Variants in PXK observed in about 807,000 individuals in gnomAD.
PXK encodes PX domain-containing protein kinase-like protein.
PXK carries 35 observed loss-of-function variants against 84.7 expected under a neutral mutation model. The observed-to-expected ratio is 0.41, with a 90% CI of 0.32 to 0.55. PXK has a LOEUF of 0.55. PXK is among the 20% of genes least tolerant of loss of function. The pLI is 0.21. For missense variants in PXK, 634 were observed against 699.7 expected (o/e 0.91, Z 1.06); for synonymous variants, 253 against 260.8 (o/e 0.97, Z 0.29).
At chr3:58,380,683 T>TG (rs2098490311) in intron 3 of PXK, among the ~76,000 whole-genome samples, 1 of 152,032 alleles carries the variant, frequency 6.6e-6, no homozygotes, top group Admixed American at 6.6e-5. Context: ...CAGTGGCACA[T>TG]GCCTGTAATC....
intron 17 of PXK, chr3:58,423,451 T>G: frequency 6.5e-7 from 1 of 1,529,016 alleles, no homozygotes; most frequent in Middle Eastern, 1.7e-4. Context: ...GTGTGATTCT[T>G]TAATTTCAGC....
At chr3:58,376,140 C>T (rs1336044807) in intron 3 of PXK, among the ~76,000 whole-genome samples, 1 of 152,124 alleles carries the variant, frequency 6.6e-6, no homozygotes, top group Non-Finnish European at 1.5e-5. Flanking sequence ...CCTGGCCGGG[C>T]GTGGTGGCTC....
In PXK at chr3:58,377,754, T is replaced by C. The variant is rs142854245; in HGVS notation, c.202-4760T>C. ...ATTGTTTATATACACAAACACACTC[T>C]GAAGGACAAACAGAACAGGAGAAGA... is the stretch of plus-strand genomic sequence containing the variant. On this transcript the variant is annotated intron_variant, in intron 3 of 17. Coordinates refer to ENST00000356151, the MANE Select transcript of PXK (RefSeq NM_017771.5). 4.9e-4 allele frequency among the ~76,000 whole-genome samples: 74 copies of C among 152,300 alleles called. 1 individual carries two copies. Among genetic ancestry groups the C allele is most frequent in the African/African-American group, 1.8e-3 (73 of 41,570 alleles).
Position 58,365,728 on chromosome 3 carries a change from G to T in PXK, c.103-146G>T, listed in dbSNP as rs932907521. 12 of 564,612 alleles carry T rather than the reference G, an allele frequency of 2.1e-5. No homozygotes were observed. In the African/African-American group the frequency reaches 2.2e-4, roughly 10 times the overall value. 35.0% of individuals were successfully genotyped at this position (564,612 alleles called of 1,614,324 possible). A position where few individuals can be genotyped will look rare whatever the true frequency, so the allele number is the denominator to read the frequency against. On this transcript the variant is annotated intron_variant, in intron 1 of 17. Coordinates refer to ENST00000356151, the MANE Select transcript of PXK (RefSeq NM_017771.5). Reference sequence around the variant, plus strand: ...TGGTAGATTACCCTTTTGTTTTTATGTAATGTCCCTTTCTCTCTGTCTCTG... The same window carrying T: ...TGGTAGATTACCCTTTTGTTTTTATTTAATGTCCCTTTCTCTCTGTCTCTG...
At chr3:58,423,217 AAC>A in intron 17 of PXK, 3 of 983,806 alleles carry the variant, frequency 3.0e-6, no homozygotes, top group Non-Finnish European at 3.6e-6. Context: ...TTCCCACTTC[AAC>A]AGTTACTTCA....
chr3:58,406,582 T>A (rs1300671738), intron 13 of PXK, among the ~76,000 whole-genome samples: 1 of 152,166 alleles, frequency 6.6e-6, no homozygotes, highest in Non-Finnish European at 1.5e-5. Context: ...AATTTTTAAT[T>A]GTGATAAAAA....
intron 17 of PXK, chr3:58,423,229 A>C (rs1398295462): frequency 1.0e-6 from 1 of 981,614 alleles, no homozygotes; most frequent in African/African-American, 1.7e-5. Context: ...CAGTTACTTC[A>C]GGTTTAAAGT....
At chr3:58,380,473 A>C (rs1009704354) in intron 3 of PXK, among the ~76,000 whole-genome samples, 1 of 152,046 alleles carries the variant, frequency 6.6e-6, no homozygotes, top group Non-Finnish European at 1.5e-5. Context: ...TGAACCTTTA[A>C]CAGCAGCACT....
Position 58,370,329 on chromosome 3 carries a change from G to A in PXK, c.201+851G>A, listed in dbSNP as rs1271901859. Among the ~76,000 whole-genome samples, 1 of 152,208 alleles carries A rather than the reference G, an allele frequency of 6.6e-6. No homozygotes were observed. Among genetic ancestry groups the A allele is most frequent in the Admixed American group, 6.5e-5 (1 of 15,286 alleles). On this transcript the variant is annotated intron_variant, in intron 3 of 17. Transcript: ENST00000356151. This position sits in a 1 kb window ranked among gnomAD's most constrained non-coding sequence, Gnocchi z 4.2. ...GTCTTCATCTAGAAACACAGCCAGT[G>A]TTGGTAATGGTTAAAGGGTCCAAGA...
rs1305540871 is a variant in PXK at position 58,405,669 on chromosome 3, ACT to A, written c.1230+1762_1230+1763del. ...ACTCCAGCCTGGGCGACAGAGTGAG[ACT>A]CTGTCTCAAAAAAAAAAAAAAGGAG... is the stretch of plus-strand genomic sequence containing the variant. On this transcript the variant is annotated intron_variant, in intron 13 of 17. Transcript: ENST00000356151. Among the ~76,000 whole-genome samples, 9 of 141,832 alleles carry A rather than the reference ACT, an allele frequency of 6.3e-5. 1 individual carries two copies. The South Asian group carries it at 2.3e-3, about 36-fold the overall frequency. The allele number at this position is 141,832 out of a possible 152,430, so 93.0% of individuals were successfully genotyped here.
intron 1 of PXK, among the ~76,000 whole-genome samples, chr3:58,337,209 G>C (rs1183134034): frequency 1.3e-5 from 2 of 152,178 alleles, no homozygotes; most frequent in Non-Finnish European, 2.9e-5. Flanking sequence ...GATAATTATA[G>C]TGATAGTTAA....
chr3:58,419,390 T>TA (rs1419556627), intron 17 of PXK, among the ~76,000 whole-genome samples: 4 of 152,240 alleles, frequency 2.6e-5, no homozygotes, highest in Non-Finnish European at 4.4e-5. Context: ...TAGCTGGGAT[T>TA]ACAGGCGCCC....
At chr3:58,377,421 C>T (rs2098452515) in intron 3 of PXK, among the ~76,000 whole-genome samples, 1 of 152,072 alleles carries the variant, frequency 6.6e-6, no homozygotes, top group Admixed American at 6.6e-5. Context: ...AATATAAGCA[C>T]AAGTCTAGAA....
At chr3:58,375,101 A>G (rs1465630787) in intron 3 of PXK, among the ~76,000 whole-genome samples, 2 of 152,240 alleles carry the variant, frequency 1.3e-5, no homozygotes, top group Admixed American at 6.5e-5. Flanking sequence ...CACAAAGTTC[A>G]AAACAGATAC....
At chr3:58,340,922 C>G (rs911605560) in intron 1 of PXK, among the ~76,000 whole-genome samples, 1 of 151,210 alleles carries the variant, frequency 6.6e-6, no homozygotes, top group African/African-American at 2.4e-5. Context: ...TTTTAGAAGT[C>G]ATAAGAGCTT....
rs546534314 is a variant in PXK at position 58,422,162 on chromosome 3, G to A, written c.1529-2590G>A. ...CAGGAAGCTTGTGGACCATGGAAAG[G>A]GCCAAAAGGAAAAGCCAAAAACAAT... On this transcript the variant is annotated intron_variant, in intron 17 of 17. Coordinates refer to ENST00000356151, the MANE Select transcript of PXK (RefSeq NM_017771.5). 3.5e-5 allele frequency: 34 copies of A among 985,326 alleles called. No individual in the cohort carries two copies. In the South Asian group the frequency reaches 1.5e-3, roughly 42 times the overall value. The allele number at this position is 985,326 out of a possible 1,614,324, so 61.0% of individuals were successfully genotyped here.
chr3:58,395,830 TTAAG>T lies in PXK; in HGVS notation c.822+75_822+78del. 4.0e-6 allele frequency: 5 copies of T among 1,248,742 alleles called. No individual in the cohort carries two copies. In the South Asian group the frequency reaches 5.2e-5, roughly 13 times the overall value. The allele number at this position is 1,248,742 out of a possible 1,614,324, so 77.4% of individuals were successfully genotyped here. ...TTGCATTATTCACCTGGAAAAGTTC[TTAAG>T]TAATATCCAAAATTACTTAAGTTGT... On this transcript the variant is annotated intron_variant, in intron 9 of 17. Coordinates refer to ENST00000356151, the MANE Select transcript of PXK (RefSeq NM_017771.5).
chr3:58,413,475 A>G (rs1576760871), intron 17 of PXK: 1 of 153,054 alleles, frequency 6.5e-6, no homozygotes, highest in East Asian at 1.9e-4. Flanking sequence ...AATTATCTGA[A>G]TATTTTTCTG....
At chr3:58,373,296 T>TTTC (rs61244449) in intron 3 of PXK, among the ~76,000 whole-genome samples, 1 of 151,798 alleles carries the variant, frequency 6.6e-6, no homozygotes, top group Non-Finnish European at 1.5e-5. Context: ...GCCAGGATGG[T>TTTC]GATCTCCTGA....
Sources: gnomAD v4.1 joint callset for allele counts (sites outside exome capture counted in the v4.1 genomes callset) on GRCh38, gnomAD v4.1.1 for gene constraint, Gnocchi (gnomAD v3.1) non-coding constraint, MANE v1.5 for transcripts, NCBI Gene and HGNC (gene_info 2026-07-23, HGNC 2026-07-21) for gene names.